The following NAV3 variants were observed in gnomAD, a reference collection of about 807,000 sequenced individuals.
NAV3 encodes the protein neuron navigator 3.
NAV3 carries 87 observed loss-of-function variants against 244.7 expected under a neutral mutation model. The observed-to-expected ratio is 0.36, with a 90% confidence interval of 0.30 to 0.42. The LOEUF is 0.42. Among genes scored for constraint, NAV3 ranks in the 20% least tolerant of loss-of-function variants. NAV3 has a pLI of 1.00. For missense variants in NAV3, 2,663 were observed against 2,893.3 expected (o/e 0.92, Z 1.83); for synonymous variants, 1,126 against 1,042.2 (o/e 1.08, Z -1.55).
At position 78,003,635 on chromosome 12, in the gene NAV3, A is replaced by G. The variant is rs536347283; in HGVS notation, c.881-2784A>G. 2.6e-5 allele frequency among the ~76,000 whole-genome samples: 4 copies of G among 152,330 alleles called. No individual in the cohort carries two copies. The South Asian group carries it at 6.2e-4, about 24-fold the overall frequency. ...ATGGTGCTAACTCTACAGCTAACTG[A>G]GGTTCCAGAGAGAAATGTCCCACTA... On this transcript the variant is annotated intron_variant, in intron 7 of 39. Coordinates refer to ENST00000397909, the MANE Select transcript of NAV3 (RefSeq NM_001024383.2).
rs2139849134 is a variant in NAV3 at position 78,188,593 on chromosome 12, G to A, written c.5887-16G>A. ...AACCTCTGTTTTGATTTTATTTTTT[G>A]TGTGTACCATTGTAGGAATATGTAT... On this transcript the variant is annotated splice_polypyrimidine_tract_variant and intron_variant, in intron 32 of 39. Transcript: ENST00000397909. The A allele has an allele frequency of 6.2e-7, 1 of 1,603,674 alleles. No homozygotes were observed. The highest frequency in any genetic ancestry group is 8.5e-7 in the Non-Finnish European group (1 of 1,174,610).
chr12:77,663,402 G>A (rs1873558619), intron 2 of NAV3, among the ~76,000 whole-genome samples: 3 of 150,986 alleles, frequency 2.0e-5, no homozygotes, highest in African/African-American at 7.3e-5. Flanking sequence ...AGGACACAAA[G>A]AAAAAAATAT....
intron 2 of NAV3, among the ~76,000 whole-genome samples, chr12:77,732,413 C>T (rs1337609248): frequency 6.6e-6 from 1 of 151,872 alleles, no homozygotes; most frequent in Non-Finnish European, 1.5e-5. Flanking sequence ...GAGGTGCTTC[C>T]GTGGGTGGGT....
intron 2 of NAV3, among the ~76,000 whole-genome samples, chr12:77,778,254 C>A (rs1870479520): frequency 6.7e-6 from 1 of 149,364 alleles, no homozygotes; most frequent in Non-Finnish European, 1.5e-5. Flanking sequence ...CCCCCGCCCC[C>A]CGTCCTTGCT....
At chr12:78,060,849 A>G (rs1220345665) in intron 12 of NAV3, among the ~76,000 whole-genome samples, 1 of 152,174 alleles carries the variant, frequency 6.6e-6, no homozygotes, top group Non-Finnish European at 1.5e-5. Flanking sequence ...ATGGGAGGGA[A>G]TATCTGCTAG....
chr12:77,927,782 A>G (rs1330593972), intron 1 of NAV3, among the ~76,000 whole-genome samples: 2 of 152,206 alleles, frequency 1.3e-5, no homozygotes, highest in Non-Finnish European at 2.9e-5. Context: ...TTTTTGTAGA[A>G]GAAAAGATCA....
chr12:77,976,561 G>T (rs764821869), intron 5 of NAV3, among the ~76,000 whole-genome samples: 1 of 151,504 alleles, frequency 6.6e-6, no homozygotes, highest in East Asian at 1.9e-4. Flanking sequence ...CTTATATGGA[G>T]CCCTTTCTGA....
intron 2 of NAV3, among the ~76,000 whole-genome samples, chr12:77,667,753 C>G (rs1360988777): frequency 6.6e-6 from 1 of 152,084 alleles, no homozygotes; most frequent in African/African-American, 2.4e-5. Flanking sequence ...AATACTAAAC[C>G]AGGCACCCCT....
intron 9 of NAV3, among the ~76,000 whole-genome samples, chr12:78,047,695 T>G (rs1593383659): frequency 6.6e-6 from 1 of 152,274 alleles, no homozygotes; most frequent in Non-Finnish European, 1.5e-5. Flanking sequence ...TTGGGGTTGC[T>G]CTTCTCAAAG....
Position 78,127,206 on chromosome 12 carries a change from A to G in NAV3, c.4278A>G (p.Leu1426=). 2.5e-6 allele frequency: 4 copies of G among 1,613,492 alleles called. No homozygotes were observed. The highest frequency in any genetic ancestry group is 3.4e-6 in the Non-Finnish European group (4 of 1,179,594). The change falls in exon 17 of 40, where the codon CTA becomes CTG. Residue 1426 remains leucine, a splice_region_variant and synonymous_variant. Coordinates refer to ENST00000397909, the MANE Select transcript of NAV3 (RefSeq NM_001024383.2). ...LDRNTLPKKG[L]RYTPSSRQAN... Reference sequence around the variant, plus strand: ...GAAATACACTACCCAAAAAGGGACTAAGGTATATATTCCTCTCAGCACAAT... The same window carrying G: ...GAAATACACTACCCAAAAAGGGACTGAGGTATATATTCCTCTCAGCACAAT...
chr12:77,616,592 G>A lies in NAV3; in HGVS notation c.72+44326G>A, dbSNP rs528805171. Among the ~76,000 whole-genome samples, 4 of 152,216 alleles carry A rather than the reference G, an allele frequency of 2.6e-5. No homozygotes were observed. In the East Asian group the frequency reaches 5.8e-4, roughly 22 times the overall value. On this transcript the variant is annotated intron_variant, in intron 2 of 8. Coordinates refer to the NAV3 transcript ENST00000550042. ...TTTACAGGTGAGGAAATTGGGCTCA[G>A]AAATGTTAAGTTACTTGCCTAAGTT...
At chr12:77,846,693 T>C (rs1273052586) in intron 1 of NAV3, among the ~76,000 whole-genome samples, 6 of 152,222 alleles carry the variant, frequency 3.9e-5, no homozygotes, top group African/African-American at 1.4e-4. Context: ...AAATTAAGGA[T>C]TCGTTGTTAG....
At chr12:78,021,889 C>A (rs2136820173) in intron 9 of NAV3, 27 bp downstream of exon 9, 3 of 1,419,700 alleles carry the variant, frequency 2.1e-6, no homozygotes, top group South Asian at 2.4e-5. Context: ...ATGCATAGGT[C>A]AAACCTAGGA....
chr12:78,012,148 T>C (rs916864745), intron 8 of NAV3, among the ~76,000 whole-genome samples: 4 of 152,162 alleles, frequency 2.6e-5, no homozygotes, highest in Non-Finnish European at 4.4e-5. Context: ...GATTTTGTTT[T>C]TCTCTTTCAA....
intron 2 of NAV3, among the ~76,000 whole-genome samples, chr12:77,740,453 A>G (rs1868307668): frequency 1.3e-5 from 2 of 152,078 alleles, no homozygotes; most frequent in Non-Finnish European, 1.5e-5. Context: ...AAAAAAATCC[A>G]TAGGAAAAAA....
intron 1 of NAV3, among the ~76,000 whole-genome samples, chr12:77,872,836 T>C (rs1283935331): frequency 6.6e-6 from 1 of 152,228 alleles, no homozygotes; most frequent in Non-Finnish European, 1.5e-5. Context: ...ATAAATGCAA[T>C]GTATGCTCTT....
intron 2 of NAV3, among the ~76,000 whole-genome samples, chr12:77,765,258 T>C (rs1869682236): frequency 6.6e-6 from 1 of 152,250 alleles, no homozygotes; most frequent in Admixed American, 6.5e-5. Context: ...TTCTGTTCTC[T>C]ATTGCCTCTC....
intron 2 of NAV3, among the ~76,000 whole-genome samples, chr12:77,694,303 A>G (rs1004966785): frequency 1.4e-4 from 20 of 141,598 alleles, no homozygotes; most frequent in Admixed American, 4.9e-4. Flanking sequence ...CATCTCTACT[A>G]AAAAAAAAAA....
chr12:78,104,176 T>C (rs1339958653), intron 12 of NAV3, among the ~76,000 whole-genome samples: 1 of 152,106 alleles, frequency 6.6e-6, no homozygotes, highest in Non-Finnish European at 1.5e-5. Flanking sequence ...AGTATAAGAG[T>C]TGGTTGTTTA....
Sources: gnomAD v4.1 joint callset for allele counts (sites outside exome capture counted in the v4.1 genomes callset) on GRCh38, gnomAD v4.1.1 for gene constraint, MANE v1.5 for transcripts, NCBI Gene and HGNC (gene_info 2026-07-23, HGNC 2026-07-21) for gene names.